SH3PXD2A: variants seen among roughly 807,000 people sequenced by gnomAD.
SH3PXD2A encodes the protein SH3 and PX domains 2A.
A neutral mutation model predicts 115.2 loss-of-function variants in SH3PXD2A; 32 were observed. The observed-to-expected ratio is 0.28, with a 90% confidence interval of 0.21 to 0.37. SH3PXD2A has a LOEUF of 0.37. SH3PXD2A is among the 10% of genes least tolerant of loss of function. The pLI, the probability that SH3PXD2A is intolerant of heterozygous loss-of-function variation, is 1.00. For missense variants in SH3PXD2A, 1,328 were observed against 1,498.7 expected (o/e 0.89, Z 1.88); for synonymous variants, 610 against 629.1 (o/e 0.97, Z 0.45).
chr10:103,854,075 C>CA (rs1842919108), intron 1 of SH3PXD2A, among the ~76,000 whole-genome samples: 2 of 152,266 alleles, frequency 1.3e-5, no homozygotes, highest in Non-Finnish European at 2.9e-5. Context: ...TAAAGAAACT[C>CA]AAAGTTCAGA....
intron 6 of SH3PXD2A, chr10:103,678,275 C>T (rs1325894353): frequency 1.1e-5 from 6 of 552,198 alleles, no homozygotes; most frequent in East Asian, 6.9e-5. Flanking sequence ...ATCCCCTGAG[C>T]GCTGAGATGC....
At chr10:103,698,425 T>C (rs1156729958) in intron 5 of SH3PXD2A, among the ~76,000 whole-genome samples, 2 of 152,210 alleles carry the variant, frequency 1.3e-5, no homozygotes, top group East Asian at 3.9e-4. Flanking sequence ...CAGCTGACAT[T>C]GGCTGCTGGG....
At chr10:103,700,170 C>T (rs1056473797) in intron 5 of SH3PXD2A, among the ~76,000 whole-genome samples, 2 of 152,252 alleles carry the variant, frequency 1.3e-5, no homozygotes, top group Non-Finnish European at 2.9e-5. Context: ...GTCCAGGCCT[C>T]AGAGCAGGGA....
intron 1 of SH3PXD2A, among the ~76,000 whole-genome samples, chr10:103,844,740 T>G (rs1023325931): frequency 9.9e-5 from 15 of 152,250 alleles, no homozygotes; most frequent in Non-Finnish European, 2.1e-4. Context: ...TCTCCAAACC[T>G]CAGGTTCCAT....
Position 103,771,069 on chromosome 10 carries a change from TGAG to T in SH3PXD2A, c.154-3903_154-3901del, listed in dbSNP as rs544226117. On this transcript the variant is annotated intron_variant, in intron 2 of 14. Transcript: ENST00000369774. The stretch of plus-strand genomic sequence containing the variant: ...TCTGATGAAGAGGTACAGAGATGTC[TGAG>T]GAGAGAGGTGGGCCCAGCAACACGC... Among the ~76,000 whole-genome samples the T allele has an allele frequency of 7.7e-4, 118 of 152,302 alleles. 1 individual carries two copies. In the East Asian group the frequency reaches 0.011, roughly 14 times the overall value.
rs200869697 is a variant in SH3PXD2A at position 103,602,807 on chromosome 10, G to C, written c.2411C>G (p.Pro804Arg). 6.2e-7 allele frequency: 1 copy of C among 1,614,124 alleles called. No individual in the cohort carries two copies. The highest frequency in any genetic ancestry group is 8.5e-7 in the Non-Finnish European group (1 of 1,180,022). Reference protein sequence around the residue: ...GSKSEDSELPPQTASEAPSEG... With the variant: ...GSKSEDSELPRQTASEAPSEG... ...ACTGGGAGCCTCGGAGGCCGTCTGC[G>C]GGGGCAGCTCCGAATCCTCACTCTT... is the stretch of plus-strand genomic sequence containing the variant. Residue 804 changes from proline (P) to arginine (R), a missense_variant, in exon 15 of 15, where the codon CCG (proline) becomes CGG (arginine). Coordinates refer to ENST00000369774, the MANE Select transcript of SH3PXD2A (RefSeq NM_001394015.1).
At chr10:103,677,281 G>A (rs888603844) in intron 6 of SH3PXD2A, among the ~76,000 whole-genome samples, 1 of 152,224 alleles carries the variant, frequency 6.6e-6, no homozygotes, top group Non-Finnish European at 1.5e-5. Flanking sequence ...CAAAGCATCA[G>A]ACACACAACC....
At chr10:103,731,161 TTTTG>T (rs1415044079) in intron 4 of SH3PXD2A, among the ~76,000 whole-genome samples, 1 of 150,506 alleles carries the variant, frequency 6.6e-6, no homozygotes, top group African/African-American at 2.4e-5. Context: ...GGAGTCCCGT[TTTTG>T]TTTTTTTTTT....
intron 6 of SH3PXD2A, among the ~76,000 whole-genome samples, chr10:103,671,299 A>C (rs1012409129): frequency 6.6e-6 from 1 of 152,226 alleles, no homozygotes; most frequent in African/African-American, 2.4e-5. Context: ...CAGGCAATAC[A>C]TAAAAGAATG....
chr10:103,667,153 G>A (rs1013339575), intron 7 of SH3PXD2A, among the ~76,000 whole-genome samples: 2 of 152,126 alleles, frequency 1.3e-5, no homozygotes, highest in South Asian at 2.1e-4. Context: ...AGAGACTCTG[G>A]CCCTGGACTC....
intron 10 of SH3PXD2A, among the ~76,000 whole-genome samples, chr10:103,618,038 G>A (rs964728739): frequency 8.5e-5 from 13 of 152,244 alleles, no homozygotes; most frequent in Admixed American, 2.6e-4. Context: ...TGGCCCAAGT[G>A]GCTTCTGCAG....
chr10:103,637,535 T>C (rs1023378471), intron 8 of SH3PXD2A, among the ~76,000 whole-genome samples: 27 of 151,378 alleles, frequency 1.8e-4, no homozygotes, highest in African/African-American at 6.6e-4. Flanking sequence ...AGGCTCGGGG[T>C]GGGTGAACAG....
intron 1 of SH3PXD2A, among the ~76,000 whole-genome samples, chr10:103,814,979 G>C (rs2039309397): frequency 8.8e-6 from 1 of 113,884 alleles, no homozygotes; most frequent in Non-Finnish European, 2.0e-5. Context: ...AGTGTGGCAG[G>C]CCAACTGGGG....
At chr10:103,639,178 A>G (rs1380476419) in intron 8 of SH3PXD2A, among the ~76,000 whole-genome samples, 1 of 152,188 alleles carries the variant, frequency 6.6e-6, no homozygotes, top group African/African-American at 2.4e-5. Flanking sequence ...ATGCTTGCCA[A>G]GGAACCAGAG....
chr10:103,702,291 AT>A (rs987322958), intron 5 of SH3PXD2A, among the ~76,000 whole-genome samples: 1 of 152,150 alleles, frequency 6.6e-6, no homozygotes, highest in African/African-American at 2.4e-5. Context: ...CCTCTTTTTC[AT>A]TTTTTTGTCC....
At chr10:103,613,287 T>C (rs1445369455) in intron 11 of SH3PXD2A, 97 bp from the exon 12 acceptor site, 1 of 908,088 alleles carries the variant, frequency 1.1e-6, no homozygotes, top group Non-Finnish European at 1.7e-6. Context: ...CAGTGGAGCC[T>C]TCCCTACCAT....
chr10:103,659,756 G>A (rs1428694261), intron 8 of SH3PXD2A, among the ~76,000 whole-genome samples: 1 of 152,104 alleles, frequency 6.6e-6, no homozygotes, highest in Non-Finnish European at 1.5e-5. Flanking sequence ...AGACCTCAGA[G>A]CAGGAGGGCC....
chr10:103,607,256 T>C (rs369083749), intron 13 of SH3PXD2A, among the ~76,000 whole-genome samples: 8 of 142,432 alleles, frequency 5.6e-5, no homozygotes, highest in Middle Eastern at 4.0e-3. Context: ...ACTCTCCGCC[T>C]GGCAACCGCC....
intron 9 of SH3PXD2A, among the ~76,000 whole-genome samples, chr10:103,623,834 G>A (rs928178152): frequency 6.6e-6 from 1 of 152,226 alleles, no homozygotes; most frequent in Non-Finnish European, 1.5e-5. Context: ...CTCCTGGTGG[G>A]GCAGGGAGAG....
Sources: allele counts gnomAD v4.1 joint callset (sites outside exome capture counted in the v4.1 genomes callset), GRCh38; gene constraint gnomAD v4.1.1; transcripts MANE v1.5; gene names NCBI Gene and HGNC (gene_info 2026-07-23, HGNC 2026-07-21).